PCSK5: variants seen among roughly 807,000 people sequenced by gnomAD.
PCSK5 encodes prohormone convertase 5.
Under a neutral mutation model 233.2 loss-of-function variants are expected in PCSK5, and 129 were observed. The ratio of observed to expected loss-of-function variants is 0.55; its 90% confidence interval spans 0.48 to 0.64. The LOEUF (loss-of-function observed/expected upper bound fraction) is 0.64, where lower values mean the gene tolerates loss of function less well. Among genes scored for constraint, PCSK5 ranks in the 30% least tolerant of loss-of-function variants. The probability of loss-of-function intolerance (pLI) is 0.00; values close to 1 mark genes in which losing one functional copy is unlikely to be tolerated. For missense variants in PCSK5, 2,076 were observed against 2,430.1 expected, an observed-to-expected ratio of 0.85 and a Z score of 3.06; for synonymous variants, 825 against 879.2, an observed-to-expected ratio of 0.94 and a Z score of 1.09.
chr9:75,910,513 A>G (rs527684735), intron 1 of PCSK5, among the ~76,000 whole-genome samples: 1 of 152,202 alleles, frequency 6.6e-6, no homozygotes, highest in African/African-American at 2.4e-5. Context: ...TCTTTGCATG[A>G]AACTTATTCT....
intron 32 of PCSK5, among the ~76,000 whole-genome samples, chr9:76,323,932 AT>A (rs60451634): frequency 1.2e-3 from 169 of 139,348 alleles, no homozygotes; most frequent in East Asian, 4.2e-3. Flanking sequence ...TTCCTGGGTG[AT>A]TTTTTTTTTT....
chr9:76,040,619 G>C (rs1050488739), intron 5 of PCSK5, among the ~76,000 whole-genome samples: 2 of 152,064 alleles, frequency 1.3e-5, no homozygotes, highest in African/African-American at 4.8e-5. Context: ...AAGTAAAATT[G>C]AAGGCAGGCT....
At chr9:76,080,326 C>T (rs773618830) in intron 7 of PCSK5, among the ~76,000 whole-genome samples, 22 of 152,158 alleles carry the variant, frequency 1.4e-4, no homozygotes, top group East Asian at 1.9e-4. Flanking sequence ...ATGACACACA[C>T]GCACTCCAGC....
intron 3 of PCSK5, among the ~76,000 whole-genome samples, chr9:76,007,291 T>A (rs79025831): frequency 0.049 from 7,514 of 152,290 alleles, 294 homozygotes; most frequent in East Asian, 0.17. Flanking sequence ...GTGTTTCATT[T>A]GTGTGCTGTT....
rs1830105862 is a variant in PCSK5, at chr9:76,350,904, T to C, written c.5043T>C (p.Leu1681=). 6.2e-7 allele frequency: 1 copy of C among 1,603,654 alleles called. No individual in the cohort carries two copies. Among genetic ancestry groups the C allele is most frequent in the Non-Finnish European group, 8.5e-7 (1 of 1,172,212 alleles). ...GAGGGATCTGCACCTCGGACTGTCTTGTGGGGGAATACAGAGTGGGAGAGG... is the reference window on the plus strand; with the variant it reads ...GAGGGATCTGCACCTCGGACTGTCTCGTGGGGGAATACAGAGTGGGAGAGG... ...LMGGICTSDC[L]VGEYRVGEGE... The change falls in exon 36 of 38, where the codon CTT becomes CTC. Residue 1681 remains leucine, a synonymous_variant. Transcript: ENST00000674117.
At chr9:76,077,649 A>G (rs1194928136) in intron 7 of PCSK5, among the ~76,000 whole-genome samples, 1 of 152,144 alleles carries the variant, frequency 6.6e-6, no homozygotes, top group Non-Finnish European at 1.5e-5. Flanking sequence ...AAGTGAGAGC[A>G]TGCAGTATTT....
chr9:75,963,749 C>T (rs566286575), intron 2 of PCSK5, among the ~76,000 whole-genome samples: 9 of 152,228 alleles, frequency 5.9e-5, no homozygotes, highest in Non-Finnish European at 2.9e-5. Flanking sequence ...CATGGTGGCA[C>T]GCTCCTGTAA....
intron 24 of PCSK5, among the ~76,000 whole-genome samples, chr9:76,279,789 G>C (rs1454384920): frequency 6.6e-6 from 1 of 151,496 alleles, no homozygotes; most frequent in Non-Finnish European, 1.5e-5. Context: ...ATTTGTTTGA[G>C]TTCATTGTAG....
chr9:76,027,695 G>A (rs1043856203), intron 5 of PCSK5, among the ~76,000 whole-genome samples: 3 of 151,706 alleles, frequency 2.0e-5, no homozygotes, highest in African/African-American at 7.3e-5. Context: ...CATTCCTCAG[G>A]CAAGTAAGAG....
intron 3 of PCSK5, among the ~76,000 whole-genome samples, chr9:76,007,463 T>C (rs1827527191): frequency 6.6e-6 from 1 of 152,200 alleles, no homozygotes; most frequent in Middle Eastern, 3.4e-3. Flanking sequence ...TAGAAAGAGG[T>C]GGGAATTTGA....
chr9:76,000,681 T>C (rs1052861517), intron 3 of PCSK5, among the ~76,000 whole-genome samples: 1 of 152,210 alleles, frequency 6.6e-6, no homozygotes, highest in South Asian at 2.1e-4. Context: ...CCTATTTTCA[T>C]TGTAAATTCA....
chr9:76,260,950 A>G (rs1827153907), intron 24 of PCSK5, among the ~76,000 whole-genome samples: 1 of 152,194 alleles, frequency 6.6e-6, no homozygotes, highest in African/African-American at 2.4e-5. Flanking sequence ...ATTATATTAT[A>G]TCAATAACCT....
At chr9:76,186,047 ACC>A (rs1824088429) in intron 17 of PCSK5, among the ~76,000 whole-genome samples, 1 of 152,212 alleles carries the variant, frequency 6.6e-6, no homozygotes, top group Non-Finnish European at 1.5e-5. Flanking sequence ...TATGCCAGTA[ACC>A]ACATTAAGAG....
chr9:76,205,697 T>C (rs1825089571), intron 20 of PCSK5, among the ~76,000 whole-genome samples: 1 of 152,194 alleles, frequency 6.6e-6, no homozygotes, highest in East Asian at 1.9e-4. Flanking sequence ...CAGCCTCCTT[T>C]TGTTGTCTCA....
chr9:76,280,685 A>G (rs1827836202), intron 24 of PCSK5, among the ~76,000 whole-genome samples: 1 of 152,078 alleles, frequency 6.6e-6, no homozygotes, highest in South Asian at 2.1e-4. Context: ...GCAGTAAGCC[A>G]TGATCACACC....
intron 3 of PCSK5, among the ~76,000 whole-genome samples, chr9:76,002,667 C>T (rs1827310744): frequency 6.6e-6 from 1 of 152,126 alleles, no homozygotes; most frequent in Admixed American, 6.5e-5. Context: ...TTGTGTCCAT[C>T]GAGATTGGGT....
chr9:76,160,926 A>G (rs745632469), intron 12 of PCSK5, among the ~76,000 whole-genome samples: 13 of 152,130 alleles, frequency 8.5e-5, no homozygotes, highest in Non-Finnish European at 1.6e-4. Context: ...GGCACACGCC[A>G]CCACAGCCAG....
intron 16 of PCSK5, among the ~76,000 whole-genome samples, chr9:76,183,772 C>T (rs1193634891): frequency 6.6e-6 from 1 of 152,176 alleles, no homozygotes. Flanking sequence ...CCCTGAAGAA[C>T]ATCAACATTT....
In PCSK5 at chr9:76,351,477, A is replaced by AAAG. The variant is rs1340049063; in HGVS notation, c.5067+552_5067+554dup. Among the ~76,000 whole-genome samples, 301 of 86,042 alleles carry AAAG rather than the reference A, an allele frequency of 3.5e-3. 33 individuals carry two copies. Among genetic ancestry groups the AAAG allele is most frequent in the African/African-American group, 0.011 (278 of 26,274 alleles). 56.4% of individuals were successfully genotyped at this position (86,042 alleles called of 152,430 possible). On this transcript the variant is annotated intron_variant, in intron 36 of 37. Coordinates refer to ENST00000674117, the MANE Select transcript of PCSK5 (RefSeq NM_001372043.1). ...GAAAGAAAGAAAGAAAGAAAGAAAG[A>AAAG]AAGAAAGAAAGAAAGAAAGAAAGAA...
Sources: allele counts gnomAD v4.1 joint callset (sites outside exome capture counted in the v4.1 genomes callset), GRCh38; gene constraint gnomAD v4.1.1; transcripts MANE v1.5; gene names NCBI Gene and HGNC (gene_info 2026-07-23, HGNC 2026-07-21).